The following WAPL variants were observed in gnomAD, a reference collection of about 807,000 sequenced individuals.
WAPL encodes the protein wings apart-like protein homolog.
Under a neutral mutation model 121.0 loss-of-function variants are expected in WAPL, and 5 were observed. The ratio of observed to expected loss-of-function variants is 0.04; its 90% CI spans 0.02 to 0.09. The LOEUF (loss-of-function observed/expected upper bound fraction) is 0.09, where lower values mean the gene tolerates loss of function less well. WAPL is among the 10% of genes least tolerant of loss of function. The pLI is 1.00. For synonymous variants in WAPL, 480 were observed against 481.5 expected (o/e 1.00, Z 0.04); for missense variants, 999 against 1,410.8 (o/e 0.71, Z 4.68).
At chr10:86,519,077 T>C (rs1195513648) in intron 1 of WAPL, among the ~76,000 whole-genome samples, 1 of 152,122 alleles carries the variant, frequency 6.6e-6, no homozygotes, top group East Asian at 1.9e-4. Flanking sequence ...ACTTTTATTT[T>C]CCTTTTCAAT....
At chr10:86,467,818 T>A (rs4030739) in intron 8 of WAPL, among the ~76,000 whole-genome samples, 146,054 of 151,870 alleles carry the variant, frequency 0.96, 70,375 homozygotes, top group East Asian at 1. Flanking sequence ...CTCGGACTAC[T>A]GGTGTGTGCC....
In WAPL at chr10:86,521,520, C is replaced by T. The variant is rs1297693758; in HGVS notation, c.-178G>A. The T allele has an allele frequency of 2.8e-6, 1 of 362,172 alleles. No individual in the cohort carries two copies. The highest frequency in any genetic ancestry group is 5.5e-6 in the Non-Finnish European group (1 of 183,134). The allele number at this position is 362,172 out of a possible 1,614,324, so 22.4% of individuals were successfully genotyped here. A position where few individuals can be genotyped will look rare whatever the true frequency, so the allele number is the denominator to read the frequency against. On this transcript the variant is annotated 5_prime_UTR_variant, in exon 1 of 19. Coordinates refer to ENST00000298767, the MANE Select transcript of WAPL (RefSeq NM_015045.5). ...ACTCTGCTTTCGGTAAATAGGAAGCCCGGTTGGGGGGGCAGGAGCGGCGGC... is the reference window on the plus strand; with the variant it reads ...ACTCTGCTTTCGGTAAATAGGAAGCTCGGTTGGGGGGGCAGGAGCGGCGGC...
intron 4 of WAPL, chr10:86,488,431 T>C (rs1841972169): frequency 6.6e-6 from 1 of 152,214 alleles, no homozygotes; most frequent in African/African-American, 2.4e-5. Flanking sequence ...TGGAACATCT[T>C]AGAATGTCAG....
At chr10:86,457,356 A>AAT (rs1449239041) in intron 12 of WAPL, among the ~76,000 whole-genome samples, 1 of 147,118 alleles carries the variant, frequency 6.8e-6, no homozygotes, top group Non-Finnish European at 1.5e-5. Context: ...GAGAGTGCTA[A>AAT]ATATATATAA....
intron 1 of WAPL, among the ~76,000 whole-genome samples, chr10:86,520,024 G>T (rs769836253): frequency 2.0e-5 from 3 of 152,174 alleles, no homozygotes; most frequent in South Asian, 2.1e-4. Flanking sequence ...GGCTGGGGGC[G>T]GCAGGTCACG....
chr10:86,462,014 T>C (rs2132182867), intron 9 of WAPL, among the ~76,000 whole-genome samples: 1 of 152,272 alleles, frequency 6.6e-6, no homozygotes, highest in African/African-American at 2.4e-5. Context: ...ATGACAAAAC[T>C]GTATACAAAT....
At chr10:86,478,766 T>C (rs1213377605) in intron 4 of WAPL, among the ~76,000 whole-genome samples, 1 of 152,172 alleles carries the variant, frequency 6.6e-6, no homozygotes, top group African/African-American at 2.4e-5. Flanking sequence ...CAAAGGTTGT[T>C]GTTAACAGAC....
At chr10:86,474,440 G>A (rs979132934) in intron 4 of WAPL, among the ~76,000 whole-genome samples, 1 of 151,890 alleles carries the variant, frequency 6.6e-6, no homozygotes, top group Admixed American at 6.6e-5. Context: ...ACCTGAATCC[G>A]GAGGCAGAGG....
chr10:86,446,380 G>A lies in WAPL; in HGVS notation c.3184C>T (p.Pro1062Ser). The A allele has an allele frequency of 6.2e-7, 1 of 1,614,090 alleles. No homozygotes were observed. Among genetic ancestry groups the A allele is most frequent in the Non-Finnish European group, 8.5e-7 (1 of 1,180,012 alleles). ...CCACTCTTATCATGCTGAGTGGTGG[G>A]AGCATCTTTGATCAACTCATCTGTT... ...SKTDELIKDAPTTQHDKSGEW... is the reference protein window; with the variant it reads ...SKTDELIKDASTTQHDKSGEW... The change falls in exon 16 of 19, where the codon CCC (proline) becomes TCC (serine). Residue 1062 changes from proline (P) to serine (S), a missense_variant. Coordinates refer to ENST00000298767, the MANE Select transcript of WAPL (RefSeq NM_015045.5).
chr10:86,440,228 T>G (rs1849427758), intron 17 of WAPL, among the ~76,000 whole-genome samples: 1 of 152,022 alleles, frequency 6.6e-6, no homozygotes, highest in South Asian at 2.1e-4. Flanking sequence ...GAAATATGAC[T>G]AAACCTATAG....
chr10:86,518,077 CCA>C lies in WAPL; in HGVS notation c.-10_-9del. ...CCCAAATCTGGATGTCATTTTGACA[CCA>C]GTTTCATATTCTCTGTGAAAAAAAA... On this transcript the variant is annotated 5_prime_UTR_variant, in exon 2 of 19. Coordinates refer to ENST00000298767, the MANE Select transcript of WAPL (RefSeq NM_015045.5). 1.2e-6 allele frequency: 2 copies of C among 1,609,854 alleles called. No homozygotes were observed. The highest frequency in any genetic ancestry group is 1.7e-6 in the Non-Finnish European group (2 of 1,177,708).
At chr10:86,501,058 T>C (rs1842237959) in intron 2 of WAPL, among the ~76,000 whole-genome samples, 1 of 152,180 alleles carries the variant, frequency 6.6e-6, no homozygotes. Context: ...CAAACCTTCT[T>C]AGGGGTATTA....
intron 2 of WAPL, among the ~76,000 whole-genome samples, chr10:86,506,796 A>T (rs1014838937): frequency 6.6e-6 from 1 of 151,950 alleles, no homozygotes; most frequent in Non-Finnish European, 1.5e-5. Context: ...TTTCTAAAAA[A>T]AATTAAAAGG....
At chr10:86,470,451 G>GGTTA (rs1188529056) in intron 8 of WAPL, among the ~76,000 whole-genome samples, 1 of 152,120 alleles carries the variant, frequency 6.6e-6, no homozygotes. Context: ...TAGCAATGAT[G>GGTTA]GTTACTTTCT....
chr10:86,454,280 T>A (rs1411095932), intron 12 of WAPL, among the ~76,000 whole-genome samples: 3 of 152,232 alleles, frequency 2.0e-5, no homozygotes, highest in Non-Finnish European at 4.4e-5. Context: ...TAAATCATTA[T>A]TTTTTAATTT....
intron 2 of WAPL, among the ~76,000 whole-genome samples, chr10:86,517,014 C>G (rs879386218): frequency 9.2e-5 from 14 of 151,780 alleles, no homozygotes; most frequent in Non-Finnish European, 1.9e-4. Flanking sequence ...ACCTGGGAGG[C>G]GGAGCCAGCA....
intron 4 of WAPL, among the ~76,000 whole-genome samples, chr10:86,492,836 C>A (rs1490282361): frequency 1.3e-5 from 2 of 152,116 alleles, no homozygotes; most frequent in East Asian, 1.9e-4. Context: ...GCGAGCAGAT[C>A]ACGAGGGTCA....
At chr10:86,438,085 T>C (rs1037547165) in intron 17 of WAPL, 70 bp from the exon 18 acceptor site, 32 of 1,229,022 alleles carry the variant, frequency 2.6e-5, no homozygotes, top group Non-Finnish European at 3.4e-5. Context: ...TACAATGTTG[T>C]TGGTTTTGAC....
At chr10:86,484,155 T>G (rs1365578043) in intron 4 of WAPL, among the ~76,000 whole-genome samples, 1 of 152,236 alleles carries the variant, frequency 6.6e-6, no homozygotes, top group African/African-American at 2.4e-5. Context: ...TTATTAACAA[T>G]AGCCAAAAAG....
Sources: allele counts gnomAD v4.1 joint callset (sites outside exome capture counted in the v4.1 genomes callset), GRCh38; gene constraint gnomAD v4.1.1; transcripts MANE v1.5; gene names NCBI Gene and HGNC (gene_info 2026-07-23, HGNC 2026-07-21).